The following QTGAL variants were observed in gnomAD, a reference collection of about 807,000 sequenced individuals.
QTGAL encodes the protein queuosine-tRNA galactosyltransferase.
the QTGAL span, among the ~76,000 whole-genome samples, chr17:83,050,592 A>G: frequency 6.6e-6 from 1 of 152,210 alleles, no homozygotes; most frequent in African/African-American, 2.4e-5. Context: ...CAAAAAAACA[A>G]AAAACAGAAA....
At chr17:83,050,567 T>TG in the QTGAL span, among the ~76,000 whole-genome samples, 1 of 152,128 alleles carries the variant, frequency 6.6e-6, no homozygotes, top group South Asian at 2.1e-4. Flanking sequence ...GAAAAAAGGC[T>TG]GGAAAAAAAA....
chr17:83,042,155 C>T, the QTGAL span, among the ~76,000 whole-genome samples: 2 of 152,154 alleles, frequency 1.3e-5, no homozygotes, highest in Non-Finnish European at 2.9e-5. Flanking sequence ...TCACTTGAGT[C>T]CAGGAATTCG....
the QTGAL span, among the ~76,000 whole-genome samples, chr17:83,032,109 A>G: frequency 7.1e-6 from 1 of 140,264 alleles, no homozygotes; most frequent in African/African-American, 2.8e-5. Flanking sequence ...CAGGCCTCCG[A>G]CCCAGACCGA....
At chr17:82,967,612 A>G in the QTGAL span, among the ~76,000 whole-genome samples, 1 of 152,092 alleles carries the variant, frequency 6.6e-6, no homozygotes, top group East Asian at 1.9e-4. Context: ...TCGAACTGCA[A>G]TGAAATACCA....
the QTGAL span, among the ~76,000 whole-genome samples, chr17:83,032,171 G>A: frequency 7.7e-6 from 1 of 129,810 alleles, no homozygotes; most frequent in Non-Finnish European, 1.6e-5. Context: ...GACGCAGACC[G>A]AACTCGGGAG....
chr17:83,045,662 G>GA, the QTGAL span, among the ~76,000 whole-genome samples: 2 of 152,000 alleles, frequency 1.3e-5, no homozygotes, highest in East Asian at 3.8e-4. Context: ...CAAAGAACGG[G>GA]AAAAAAATTG....
the QTGAL span, chr17:83,007,049 G>T: frequency 2.5e-6 from 1 of 401,742 alleles, no homozygotes; most frequent in Non-Finnish European, 3.4e-6. Context: ...CTCCCTGAAG[G>T]CTGGCGAGGA....
At chr17:83,032,512 A>G in the QTGAL span, among the ~76,000 whole-genome samples, 3,092 of 35,810 alleles carry the variant, frequency 0.086, 636 homozygotes, top group Middle Eastern at 0.12. Context: ...CTGAACAACC[A>G]GGTCAGACCA....
the QTGAL span, among the ~76,000 whole-genome samples, chr17:83,046,266 A>G: frequency 1.3e-5 from 2 of 151,756 alleles, no homozygotes; most frequent in African/African-American, 4.8e-5. Context: ...AGTGGCTGAG[A>G]TTACAGGTGC....
chr17:82,968,961 C>A, the QTGAL span, among the ~76,000 whole-genome samples: 5 of 151,954 alleles, frequency 3.3e-5, no homozygotes, highest in Non-Finnish European at 7.4e-5. Context: ...TGGTGAAACC[C>A]CATCTCTACT....
the QTGAL span, among the ~76,000 whole-genome samples, chr17:83,037,905 T>A: frequency 6.6e-6 from 1 of 152,170 alleles, no homozygotes; most frequent in African/African-American, 2.4e-5. This position sits in a 1 kb window ranked among gnomAD's most constrained non-coding sequence, Gnocchi z 5.2. Context: ...GGGCTCCTGC[T>A]TGGGGAGGCC....
the QTGAL span, chr17:82,943,017 C>G: frequency 1.8e-4 from 30 of 168,818 alleles, no homozygotes; most frequent in East Asian, 2.9e-3. Context: ...GCTGTCCTCC[C>G]CCCTGTGCAC....
chr17:82,998,359 G>A, the QTGAL span, among the ~76,000 whole-genome samples: 1 of 152,090 alleles, frequency 6.6e-6, no homozygotes, highest in Non-Finnish European at 1.5e-5. Context: ...GTTTTGTTTT[G>A]TTTTGAGACG....
At chr17:82,945,951 C>T in the QTGAL span, 84 of 151,998 alleles carry the variant, frequency 5.5e-4, no homozygotes, top group African/African-American at 2.0e-3. Context: ...TTTTAAAGCA[C>T]GTAGAATTGC....
the QTGAL span, among the ~76,000 whole-genome samples, chr17:82,977,209 C>G: frequency 0.1 from 15,615 of 152,290 alleles, 1,040 homozygotes; most frequent in African/African-American, 0.18. Context: ...GGCCCGAAAG[C>G]AAGAGGAAAG....
the QTGAL span, among the ~76,000 whole-genome samples, chr17:82,999,823 T>A: frequency 6.6e-6 from 1 of 152,188 alleles, no homozygotes; most frequent in African/African-American, 2.4e-5. Flanking sequence ...TCTCTGCTTT[T>A]TGGGAGCACC....
At chr17:82,995,935 G>A in the QTGAL span, among the ~76,000 whole-genome samples, 124 of 150,116 alleles carry the variant, frequency 8.3e-4, no homozygotes, top group South Asian at 0.025. Context: ...AGATCTCTAC[G>A]ATGAAAACTA....
chr17:83,012,413 C>G, the QTGAL span, among the ~76,000 whole-genome samples: 2 of 152,248 alleles, frequency 1.3e-5, no homozygotes, highest in Admixed American at 6.5e-5. Flanking sequence ...ATCTCCTCCA[C>G]TAAAATGTCA....
the QTGAL span, chr17:83,005,456 G>A: frequency 6.3e-6 from 4 of 633,058 alleles, no homozygotes; most frequent in East Asian, 2.8e-5. This position sits in a 1 kb window ranked among gnomAD's most constrained non-coding sequence, Gnocchi z 5.6. Context: ...CGCGCATCTC[G>A]GCGGTGAACC....
Sources: allele counts gnomAD v4.1 joint callset (sites outside exome capture counted in the v4.1 genomes callset), GRCh38; gene constraint gnomAD v4.1.1; non-coding constraint Gnocchi (gnomAD v3.1); transcripts MANE v1.5; gene names NCBI Gene and HGNC (gene_info 2026-07-23, HGNC 2026-07-21).